The following PCDHGA1 variants were observed in gnomAD, a reference collection of about 807,000 sequenced individuals.
PCDHGA1 encodes the protein protocadherin gamma-A1.
PCDHGA1 carries 32 observed loss-of-function variants against 58.0 expected under a neutral mutation model. The observed-to-expected ratio is 0.55, with a 90% CI of 0.42 to 0.74. The LOEUF (loss-of-function observed/expected upper bound fraction) is 0.74. PCDHGA1 is among the 30% of genes least tolerant of loss of function. PCDHGA1 has a pLI of 0.00. For synonymous variants in PCDHGA1, 498 were observed against 501.1 expected (o/e 0.99, Z 0.08); for missense variants, 1,205 against 1,182.3 (o/e 1.02, Z -0.28).
At chr5:141,474,332 G>A (rs1427828070) in intron 1 of PCDHGA1, among the ~76,000 whole-genome samples, 1 of 152,168 alleles carries the variant, frequency 6.6e-6, no homozygotes, top group Non-Finnish European at 1.5e-5. Flanking sequence ...TCACCCTGAT[G>A]TTTTGTTAAA....
chr5:141,425,015 A>G (rs1285592254), intron 1 of PCDHGA1, among the ~76,000 whole-genome samples: 2 of 152,190 alleles, frequency 1.3e-5, no homozygotes, highest in East Asian at 3.8e-4. Context: ...TCATTTAGGA[A>G]TTTACCTTAT....
chr5:141,430,613 A>T, intron 1 of PCDHGA1: 1 of 679,628 alleles, frequency 1.5e-6, no homozygotes, highest in Admixed American at 3.0e-5. Context: ...CACAAAGCAG[A>T]TAGCTAGGAA....
intron 1 of PCDHGA1, chr5:141,409,665 CCTACT>C (rs753951498): frequency 6.2e-7 from 1 of 1,613,576 alleles, no homozygotes; most frequent in Admixed American, 1.7e-5. Context: ...GGCCACATCT[CCTACT>C]CTATAGTGGC....
chr5:141,404,350 C>T (rs757103755), intron 1 of PCDHGA1: 1 of 1,613,894 alleles, frequency 6.2e-7, no homozygotes, highest in Non-Finnish European at 8.5e-7. Flanking sequence ...AAAACAACGC[C>T]AGAGGTACTT....
At position 141,431,468 on chromosome 5, in the gene PCDHGA1, G is replaced by A. The variant is rs756718016; in HGVS notation, c.2422-63339G>A. ...CCGCGTGATGGTTCTGGATGCGAAC[G>A]ACAACGCACCAGCGTTTGCTCAGCC... On this transcript the variant is annotated intron_variant, in intron 1 of 3. Transcript: ENST00000517417. This position sits in a 1 kb window ranked among gnomAD's most constrained non-coding sequence, Gnocchi z 4.8. The A allele has an allele frequency of 3.7e-6, 6 of 1,613,804 alleles. No homozygotes were observed. In the Admixed American group the frequency reaches 8.3e-5, roughly 22 times the overall value.
At chr5:141,374,686 C>A (rs765389244) in intron 1 of PCDHGA1, 1 of 1,609,760 alleles carries the variant, frequency 6.2e-7, no homozygotes, top group South Asian at 1.1e-5. Flanking sequence ...GCACACTGGA[C>A]CGGGAAGGAG....
intron 1 of PCDHGA1, chr5:141,422,634 T>C: frequency 1.9e-6 from 3 of 1,612,682 alleles, no homozygotes; most frequent in Non-Finnish European, 2.5e-6. Flanking sequence ...ACCCCAGGGG[T>C]GCCTCCATCT....
rs775034257 is a variant in PCDHGA1 at position 141,331,190 on chromosome 5, G to A, written c.506G>A (p.Ser169Asn). 4 of 1,613,990 alleles carry A rather than the reference G, an allele frequency of 2.5e-6. No homozygotes were observed. Among genetic ancestry groups the A allele is most frequent in the Non-Finnish European group, 3.4e-6 (4 of 1,180,046 alleles). ...GATGTGGGTATGAACTCACTCCAGA[G>A]CTACCAACTCAGCTCTAACCCTCAT... The part of the protein sequence containing the change: ...DLDVGMNSLQ[S>N]YQLSSNPHFS... The change falls in exon 1 of 4, where the codon AGC (serine) becomes AAC (asparagine). Residue 169 changes from serine (S) to asparagine (N), a missense_variant. Coordinates refer to ENST00000517417, the MANE Select transcript of PCDHGA1 (RefSeq NM_018912.3).
In PCDHGA1 at chr5:141,383,648, C is replaced by T. The variant is rs781494472; in HGVS notation, c.2421+50543C>T. 2.5e-6 allele frequency: 4 copies of T among 1,614,034 alleles called. No individual in the cohort carries two copies. The Admixed American group carries it at 6.7e-5, about 27-fold the overall frequency. On this transcript the variant is annotated intron_variant, in intron 1 of 3. Transcript: ENST00000517417. Reference sequence around the variant, plus strand: ...TTCTCTCTGCCTCAGTACCAAGTAACTGTCCCCGAGAATGTGCCAGTGGGT... The same window carrying T: ...TTCTCTCTGCCTCAGTACCAAGTAATTGTCCCCGAGAATGTGCCAGTGGGT...
rs867609356 is a variant in PCDHGA1 at position 141,331,657 on chromosome 5, G to A, written c.973G>A (p.Ala325Thr). ...YSMEVQAQDG[A>T]GLMAKVKVLI... The stretch of plus-strand genomic sequence containing the variant: ...AATGGAAGTTCAAGCCCAGGATGGT[G>A]CGGGGCTCATGGCTAAAGTTAAGGT... Residue 325 changes from alanine (A) to threonine (T), a missense_variant, in exon 1 of 4, where the codon GCG becomes ACG. Transcript: ENST00000517417. 6.2e-7 allele frequency: 1 copy of A among 1,614,088 alleles called. No individual in the cohort carries two copies. Among genetic ancestry groups the A allele is most frequent in the Non-Finnish European group, 8.5e-7 (1 of 1,180,018 alleles).
chr5:141,474,772 G>A (rs1053853138), intron 1 of PCDHGA1, among the ~76,000 whole-genome samples: 2 of 152,182 alleles, frequency 1.3e-5, no homozygotes, highest in Non-Finnish European at 2.9e-5. Flanking sequence ...AATAGTATGA[G>A]GCTCTAACAC....
At chr5:141,453,351 C>T (rs1210851703) in intron 1 of PCDHGA1, among the ~76,000 whole-genome samples, 3 of 151,738 alleles carry the variant, frequency 2.0e-5, no homozygotes, top group African/African-American at 7.3e-5. Context: ...CCAGGCTGAC[C>T]CTGAACTCCT....
chr5:141,431,858 G>T lies in PCDHGA1; in HGVS notation c.2422-62949G>T, dbSNP rs1421209596. On this transcript the variant is annotated intron_variant, in intron 1 of 3. Coordinates refer to ENST00000517417, the MANE Select transcript of PCDHGA1 (RefSeq NM_018912.3). This position sits in a 1 kb window ranked among gnomAD's most constrained non-coding sequence, Gnocchi z 4.8. ...AAACTCTCCCAGAGGGACATTAATTGCCCTTTTAAATGTAAATGACCAAGA... is the reference window on the plus strand; with the variant it reads ...AAACTCTCCCAGAGGGACATTAATTTCCCTTTTAAATGTAAATGACCAAGA... 6.8e-6 allele frequency: 11 copies of T among 1,614,080 alleles called. No homozygotes were observed. The highest frequency in any genetic ancestry group is 8.5e-6 in the Non-Finnish European group (10 of 1,180,028).
At chr5:141,414,629 G>T in intron 1 of PCDHGA1, 1 of 1,614,000 alleles carries the variant, frequency 6.2e-7, no homozygotes. Context: ...GACCCGGACA[G>T]CAAAGAGAAT....
intron 1 of PCDHGA1, chr5:141,415,642 A>T (rs1418546981): frequency 6.0e-6 from 5 of 831,836 alleles, no homozygotes; most frequent in Middle Eastern, 2.6e-4. Flanking sequence ...TACTTTTGTT[A>T]AAAAAAAAAA....
chr5:141,403,476 A>G lies in PCDHGA1; in HGVS notation c.2421+70371A>G, dbSNP rs1258805283. The G allele has an allele frequency of 5.6e-6, 9 of 1,613,972 alleles. No homozygotes were observed. In the Admixed American group the frequency reaches 8.3e-5, roughly 15 times the overall value. On this transcript the variant is annotated intron_variant, in intron 1 of 3. Coordinates refer to ENST00000517417, the MANE Select transcript of PCDHGA1 (RefSeq NM_018912.3). ...CTCCAGAGCTACCAGCTCAGCCCCA[A>G]TCACCACTTCTCCCTGAACGTGCAG...
intron 1 of PCDHGA1, chr5:141,366,029 C>A (rs766110369): frequency 6.2e-7 from 1 of 1,614,260 alleles, no homozygotes; most frequent in Non-Finnish European, 8.5e-7. Flanking sequence ...GTACCCCGCC[C>A]TCCCCACAGA....
intron 1 of PCDHGA1, among the ~76,000 whole-genome samples, chr5:141,444,395 T>A (rs960583048): frequency 1.3e-5 from 2 of 151,996 alleles, no homozygotes; most frequent in Non-Finnish European, 2.9e-5. Context: ...AGTCTTGAAC[T>A]CCCAACCTCA....
chr5:141,464,263 TAAA>T (rs35224477), intron 1 of PCDHGA1, among the ~76,000 whole-genome samples: 2 of 103,604 alleles, frequency 1.9e-5, no homozygotes, highest in Non-Finnish European at 1.9e-5. Flanking sequence ...AGACTCCGTC[TAAA>T]AAAAAAAAAA....
Sources: allele counts gnomAD v4.1 joint callset (sites outside exome capture counted in the v4.1 genomes callset), GRCh38; gene constraint gnomAD v4.1.1; non-coding constraint Gnocchi (gnomAD v3.1); transcripts MANE v1.5; gene names NCBI Gene and HGNC (gene_info 2026-07-23, HGNC 2026-07-21).